The following KCNH1 variants were observed in gnomAD, a reference collection of about 807,000 sequenced individuals.
The protein encoded by KCNH1 is potassium voltage-gated channel subfamily H member 1.
A neutral mutation model predicts 69.2 loss-of-function variants in KCNH1; 27 were observed. The ratio of observed to expected loss-of-function variants is 0.39; its 90% CI spans 0.29 to 0.54. KCNH1 has a LOEUF of 0.54. KCNH1 is among the 20% of genes least tolerant of loss of function. The pLI, the probability that KCNH1 is intolerant of heterozygous loss-of-function variation, is 0.68. For missense variants in KCNH1, 798 were observed against 1,261.6 expected (o/e 0.63, Z 5.57); for synonymous variants, 456 against 487.7 (o/e 0.93, Z 0.86).
At chr1:210,862,484 C>T (rs370506823) in intron 7 of KCNH1, among the ~76,000 whole-genome samples, 5 of 152,236 alleles carry the variant, frequency 3.3e-5, no homozygotes, top group South Asian at 2.1e-4. Flanking sequence ...TGCAGGCTCA[C>T]GCTACCATGC....
chr1:211,079,420 C>T (rs1409668248), intron 5 of KCNH1, among the ~76,000 whole-genome samples: 3 of 152,212 alleles, frequency 2.0e-5, no homozygotes, highest in Non-Finnish European at 4.4e-5. Context: ...CCTTCTGAAA[C>T]TATTCCAATC....
At chr1:210,726,127 C>T (rs1682583734) in intron 10 of KCNH1, among the ~76,000 whole-genome samples, 1 of 152,108 alleles carries the variant, frequency 6.6e-6, no homozygotes. Flanking sequence ...ACATTTTCAT[C>T]CATTTCAATG....
intron 5 of KCNH1, among the ~76,000 whole-genome samples, chr1:211,073,886 G>A (rs991520484): frequency 3.3e-5 from 5 of 151,384 alleles, no homozygotes; most frequent in African/African-American, 1.2e-4. Flanking sequence ...AAAACAAAAA[G>A]TCAATAGAAA....
intron 5 of KCNH1, among the ~76,000 whole-genome samples, chr1:211,053,194 G>A (rs914976144): frequency 2.6e-5 from 4 of 152,172 alleles, no homozygotes; most frequent in Non-Finnish European, 2.9e-5. Context: ...AGTTTTAAAT[G>A]TTCACATCCT....
At chr1:211,105,337 C>T (rs1434080990) in intron 2 of KCNH1, among the ~76,000 whole-genome samples, 1 of 152,202 alleles carries the variant, frequency 6.6e-6, no homozygotes, top group East Asian at 1.9e-4. Context: ...ATTTCCTTAA[C>T]AAGGTAAAAG....
At chr1:211,013,454 G>A (rs754317171) in intron 6 of KCNH1, among the ~76,000 whole-genome samples, 10 of 152,124 alleles carry the variant, frequency 6.6e-5, no homozygotes, top group African/African-American at 9.7e-5. Context: ...AAAGGTCCAC[G>A]AAAATGAAGG....
intron 7 of KCNH1, among the ~76,000 whole-genome samples, chr1:210,816,578 A>G (rs958634240): frequency 2.0e-5 from 3 of 152,194 alleles, no homozygotes; most frequent in Non-Finnish European, 4.4e-5. Flanking sequence ...CAAAGAGACA[A>G]CCATTTAGTT....
intron 7 of KCNH1, among the ~76,000 whole-genome samples, chr1:210,842,682 A>G (rs1356297946): frequency 1.3e-5 from 2 of 152,192 alleles, no homozygotes; most frequent in African/African-American, 4.8e-5. Context: ...AGTGATGATG[A>G]GGTTGACAAC....
chr1:210,859,583 T>C, intron 7 of KCNH1: 1 of 1,537,012 alleles, frequency 6.5e-7, no homozygotes, highest in South Asian at 1.1e-5. Flanking sequence ...TCTTCATCAC[T>C]CCCCAGTTCC....
At position 211,094,213 on chromosome 1, in the gene KCNH1, G is replaced by A. The variant is rs866905599; in HGVS notation, c.311-3523C>T. On this transcript the variant is annotated intron_variant, in intron 3 of 10. Coordinates refer to ENST00000271751, the MANE Select transcript of KCNH1 (RefSeq NM_172362.3). ...AGGCATTAGATTCTCATAAGGAGCA[G>A]GCAACCTCACGTATACAGTTCACAA... Among the ~76,000 whole-genome samples, 4 of 152,120 alleles carry A rather than the reference G, an allele frequency of 2.6e-5. No individual in the cohort carries two copies. In the South Asian group the frequency reaches 8.3e-4, roughly 32 times the overall value.
intron 7 of KCNH1, among the ~76,000 whole-genome samples, chr1:210,813,146 A>G (rs757918683): frequency 2.0e-5 from 3 of 152,234 alleles, no homozygotes; most frequent in Non-Finnish European, 2.9e-5. Context: ...AGAGTCAACT[A>G]TCATGACAGT....
At chr1:211,132,413 A>T (rs1440562681) in intron 1 of KCNH1, among the ~76,000 whole-genome samples, 1 of 152,174 alleles carries the variant, frequency 6.6e-6, no homozygotes, top group Non-Finnish European at 1.5e-5. Flanking sequence ...ACCTTGACCT[A>T]AAAGCCACCT....
chr1:211,127,149 T>C (rs975835100), intron 1 of KCNH1, among the ~76,000 whole-genome samples: 3 of 152,172 alleles, frequency 2.0e-5, no homozygotes, highest in Admixed American at 6.5e-5. Context: ...TCCTACTTGT[T>C]AGCACAGTAT....
chr1:210,884,086 T>C (rs1435924260), intron 7 of KCNH1, among the ~76,000 whole-genome samples: 1 of 152,050 alleles, frequency 6.6e-6, no homozygotes, highest in Non-Finnish European at 1.5e-5. Context: ...GAAAAAGAAC[T>C]AGGGAGCAAA....
intron 2 of KCNH1, among the ~76,000 whole-genome samples, chr1:211,105,243 A>AGGAT (rs1186217774): frequency 6.6e-6 from 1 of 152,244 alleles, no homozygotes; most frequent in East Asian, 1.9e-4. Context: ...TGAGAATAAG[A>AGGAT]GGATTTTTCC....
chr1:210,794,624 A>G (rs1388999468), intron 9 of KCNH1, among the ~76,000 whole-genome samples: 1 of 152,210 alleles, frequency 6.6e-6, no homozygotes, highest in Non-Finnish European at 1.5e-5. Flanking sequence ...CTTCAGCTCC[A>G]TCATGCCTCT....
At chr1:210,975,095 T>G (rs565343602) in intron 6 of KCNH1, among the ~76,000 whole-genome samples, 1 of 152,336 alleles carries the variant, frequency 6.6e-6, no homozygotes, top group East Asian at 1.9e-4. Context: ...AAAACTAATG[T>G]CATTTCCTTT....
chr1:210,872,897 CT>C (rs1686283962), intron 7 of KCNH1, among the ~76,000 whole-genome samples: 1 of 152,144 alleles, frequency 6.6e-6, no homozygotes, highest in Non-Finnish European at 1.5e-5. Flanking sequence ...TCATTTCTGA[CT>C]CTTCTACCCA....
chr1:210,707,228 A>G (rs575015299), intron 10 of KCNH1, among the ~76,000 whole-genome samples: 18 of 152,040 alleles, frequency 1.2e-4, no homozygotes, highest in African/African-American at 4.3e-4. Context: ...TAATTGGTGG[A>G]TGCACGGGAC....
Sources: allele counts gnomAD v4.1 joint callset (sites outside exome capture counted in the v4.1 genomes callset), GRCh38; gene constraint gnomAD v4.1.1; transcripts MANE v1.5; gene names NCBI Gene and HGNC (gene_info 2026-07-23, HGNC 2026-07-21).